The following RIC1 variants were observed in gnomAD, a reference collection of about 807,000 sequenced individuals.
RIC1 encodes the protein RIC1 partner of RAB6A GEF complex, also known as guanine nucleotide exchange factor subunit RIC1.
Under a neutral mutation model 169.0 loss-of-function variants are expected in RIC1, and 88 were observed. The ratio of observed to expected loss-of-function variants is 0.52; its 90% CI spans 0.44 to 0.62. The LOEUF (loss-of-function observed/expected upper bound fraction) is 0.62. Among genes scored for constraint, RIC1 ranks in the 20% least tolerant of loss-of-function variants. The probability of loss-of-function intolerance (pLI) is 0.00; values close to 1 mark genes in which losing one functional copy is unlikely to be tolerated. For missense variants in RIC1, 1,877 were observed against 1,725.5 expected, an observed-to-expected ratio of 1.09 and a Z score of -1.56; for synonymous variants, 790 against 601.5, an observed-to-expected ratio of 1.31 and a Z score of -4.59.
chr9:5,732,875 C>G (rs536916498), intron 7 of RIC1, among the ~76,000 whole-genome samples: 5 of 151,986 alleles, frequency 3.3e-5, no homozygotes, highest in African/African-American at 9.6e-5. Flanking sequence ...AGTTAACAAG[C>G]AAATTTAAAG....
At chr9:5,697,269 A>G (rs1821960927) in intron 3 of RIC1, among the ~76,000 whole-genome samples, 1 of 151,752 alleles carries the variant, frequency 6.6e-6, no homozygotes, top group African/African-American at 2.4e-5. Flanking sequence ...GGTTTCTCTC[A>G]CTCTACATGA....
intron 6 of RIC1, among the ~76,000 whole-genome samples, chr9:5,731,392 A>C (rs1824363848): frequency 6.6e-6 from 1 of 152,162 alleles, no homozygotes; most frequent in South Asian, 2.1e-4. Flanking sequence ...ACTAAAGCAA[A>C]GATTCCGTGT....
At position 5,746,894 on chromosome 9, in the gene RIC1, A is replaced by T. The variant is rs572780600; in HGVS notation, c.1249-408A>T. Among the ~76,000 whole-genome samples the T allele has an allele frequency of 2.0e-5, 3 of 152,162 alleles. No individual in the cohort carries two copies. In the South Asian group the frequency reaches 6.2e-4, roughly 32 times the overall value. Reference sequence around the variant, plus strand: ...CCATTATTCCACTTGAAGACTAAGGATCCCCAGAAAAGAAGAGAGCATTTC... The same window carrying T: ...CCATTATTCCACTTGAAGACTAAGGTTCCCCAGAAAAGAAGAGAGCATTTC... On this transcript the variant is annotated intron_variant, in intron 11 of 25. Coordinates refer to ENST00000414202, the MANE Select transcript of RIC1 (RefSeq NM_020829.4).
At chr9:5,661,415 T>A (rs1180280638) in intron 2 of RIC1, among the ~76,000 whole-genome samples, 1 of 152,212 alleles carries the variant, frequency 6.6e-6, no homozygotes, top group Non-Finnish European at 1.5e-5. Context: ...ATCTATAAAT[T>A]ACTTTGGGTA....
At chr9:5,764,401 A>G (rs1319735647) in intron 19 of RIC1, among the ~76,000 whole-genome samples, 1 of 152,244 alleles carries the variant, frequency 6.6e-6, no homozygotes, top group Non-Finnish European at 1.5e-5. Context: ...AAAGACCCTC[A>G]TAGCACACAG....
At chr9:5,726,394 T>A (rs1823988032) in intron 6 of RIC1, among the ~76,000 whole-genome samples, 1 of 152,228 alleles carries the variant, frequency 6.6e-6, no homozygotes. Flanking sequence ...TTTTTTGTTT[T>A]CCATTTGCTT....
At chr9:5,663,525 T>C (rs1417663551) in intron 2 of RIC1, among the ~76,000 whole-genome samples, 1 of 152,222 alleles carries the variant, frequency 6.6e-6, no homozygotes, top group African/African-American at 2.4e-5. Context: ...TGTGTGCATA[T>C]ATGGAGGATA....
In RIC1 at chr9:5,752,110, T is replaced by C. The variant is rs187194267; in HGVS notation, c.1453-1090T>C. ...ATCTCATTAAAACGAAAATTTACTT[T>C]ATCTACATTGATATCCCATGTCAAT... On this transcript the variant is annotated intron_variant, in intron 12 of 25. Coordinates refer to ENST00000414202, the MANE Select transcript of RIC1 (RefSeq NM_020829.4). Among the ~76,000 whole-genome samples the C allele has an allele frequency of 2.3e-3, 351 of 152,336 alleles. 2 individuals carry two copies. Among genetic ancestry groups the C allele is most frequent in the African/African-American group, 8.1e-3 (335 of 41,564 alleles).
intron 1 of RIC1, among the ~76,000 whole-genome samples, chr9:5,645,770 C>T (rs755374694): frequency 2.6e-5 from 4 of 152,272 alleles, no homozygotes; most frequent in African/African-American, 4.8e-5. Flanking sequence ...TGTATATGTA[C>T]ATACTGCATT....
At position 5,650,476 on chromosome 9, in the gene RIC1, G is replaced by A. The variant is rs368511528; in HGVS notation, c.145-6107G>A. Among the ~76,000 whole-genome samples, 11 of 152,174 alleles carry A rather than the reference G, an allele frequency of 7.2e-5. No homozygotes were observed. In the South Asian group the frequency reaches 2.3e-3, roughly 32 times the overall value. On this transcript the variant is annotated intron_variant, in intron 1 of 25. Coordinates refer to ENST00000414202, the MANE Select transcript of RIC1 (RefSeq NM_020829.4). ...TGGATAGAGAGAGCCTTGCCTCAGG[G>A]CATGTGCATGTCCACTGTGGCCCTG...
intron 1 of RIC1, among the ~76,000 whole-genome samples, 172 bp from the exon 2 acceptor site, chr9:5,656,411 C>A (rs182444378): frequency 2.6e-5 from 4 of 152,002 alleles, no homozygotes; most frequent in Admixed American, 6.6e-5. Flanking sequence ...AGGTTTAGGT[C>A]TTTGTTTTGG....
At chr9:5,754,327 T>C (rs539086621) in intron 14 of RIC1, among the ~76,000 whole-genome samples, 64 of 152,346 alleles carry the variant, frequency 4.2e-4, no homozygotes, top group African/African-American at 1.5e-3. Context: ...TTTAATGGTA[T>C]ACTTGCCTTC....
chr9:5,745,587 T>C (rs2130994121), intron 10 of RIC1, among the ~76,000 whole-genome samples: 1 of 152,230 alleles, frequency 6.6e-6, no homozygotes, highest in South Asian at 2.1e-4. Context: ...GTGTCTTCTG[T>C]AAGGAATTTC....
chr9:5,756,168 A>G (rs779899639), intron 15 of RIC1, 44 bp from the exon 16 acceptor site: 4 of 1,268,614 alleles, frequency 3.2e-6, no homozygotes, highest in Non-Finnish European at 4.2e-6. Context: ...CATCCCTAGT[A>G]GTTATCTTGT....
intron 3 of RIC1, among the ~76,000 whole-genome samples, chr9:5,711,734 C>T (rs986677639): frequency 6.6e-6 from 1 of 152,110 alleles, no homozygotes; most frequent in African/African-American, 2.4e-5. Context: ...GCTGCCCCCA[C>T]CCCACAACAG....
intron 1 of RIC1, among the ~76,000 whole-genome samples, chr9:5,635,245 G>A (rs1314643305): frequency 6.6e-6 from 1 of 152,118 alleles, no homozygotes; most frequent in Non-Finnish European, 1.5e-5. Flanking sequence ...CTCCTAAAGT[G>A]CTAGGATTAC....
chr9:5,679,018 T>TGTATAAG (rs1175375656), intron 2 of RIC1, among the ~76,000 whole-genome samples: 6 of 152,176 alleles, frequency 3.9e-5, no homozygotes, highest in African/African-American at 1.4e-4. Context: ...AATTAATTTT[T>TGTATAAG]GTATAAGGTA....
intron 2 of RIC1, among the ~76,000 whole-genome samples, chr9:5,663,602 A>G (rs1439522012): frequency 6.6e-6 from 1 of 152,072 alleles, no homozygotes; most frequent in African/African-American, 2.4e-5. Context: ...TTTCATTTAA[A>G]GTCTGTTTTG....
chr9:5,636,962 A>G (rs1818000421), intron 1 of RIC1, among the ~76,000 whole-genome samples: 1 of 152,220 alleles, frequency 6.6e-6, no homozygotes, highest in African/African-American at 2.4e-5. Flanking sequence ...TAATGAATTT[A>G]AGGTATTTGT....
Sources: gnomAD v4.1 joint callset for allele counts (sites outside exome capture counted in the v4.1 genomes callset) on GRCh38, gnomAD v4.1.1 for gene constraint, MANE v1.5 for transcripts, NCBI Gene and HGNC (gene_info 2026-07-23, HGNC 2026-07-21) for gene names.